DUSP16: variants seen among roughly 807,000 people sequenced by gnomAD.
DUSP16 encodes dual specificity protein phosphatase 16.
DUSP16 carries 21 observed loss-of-function variants against 58.3 expected under a neutral mutation model. The ratio of observed to expected loss-of-function variants is 0.36; its 90% CI spans 0.26 to 0.52. The LOEUF (loss-of-function observed/expected upper bound fraction) is 0.52, where lower values mean the gene tolerates loss of function less well. Ranked by LOEUF, DUSP16 falls within the 20% of genes least tolerant of loss-of-function variation. The probability of loss-of-function intolerance (pLI) is 0.94; values close to 1 mark genes in which losing one functional copy is unlikely to be tolerated. For missense variants in DUSP16, 726 were observed against 819.0 expected (o/e 0.89, Z 1.39); for synonymous variants, 320 against 323.8 (o/e 0.99, Z 0.12).
rs1417571516 is a variant in DUSP16 at position 12,475,155 on chromosome 12, G to A, written c.*1678C>T. The A allele has an allele frequency of 6.6e-6, 1 of 152,110 alleles. No homozygotes were observed. Among genetic ancestry groups the A allele is most frequent in the Non-Finnish European group, 1.5e-5 (1 of 68,054 alleles). The allele number at this position is 152,110 out of a possible 1,614,324, so 9.4% of individuals were successfully genotyped here. On this transcript the variant is annotated 3_prime_UTR_variant, in exon 7 of 7. Transcript: ENST00000298573. ...AAAAACTGTCCATTTCTCAAAAACAGAGAAAAACCTGAGATACGAGGCAGC... is the reference window on the plus strand; with the variant it reads ...AAAAACTGTCCATTTCTCAAAAACAAAGAAAAACCTGAGATACGAGGCAGC...
intron 1 of DUSP16, among the ~76,000 whole-genome samples, chr12:12,544,139 A>G (rs1278893924): frequency 6.6e-6 from 1 of 152,160 alleles, no homozygotes; most frequent in South Asian, 2.1e-4. Flanking sequence ...AGTTGGCTTC[A>G]TATGTCTTCC....
intron 1 of DUSP16, among the ~76,000 whole-genome samples, chr12:12,527,245 A>G (rs1006163252): frequency 1.3e-5 from 2 of 152,234 alleles, no homozygotes; most frequent in Non-Finnish European, 2.9e-5. Context: ...ATGCCTTTCA[A>G]TAGAGCCCTA....
intron 1 of DUSP16, among the ~76,000 whole-genome samples, chr12:12,557,292 A>G (rs1254637968): frequency 6.6e-6 from 1 of 151,890 alleles, no homozygotes; most frequent in East Asian, 1.9e-4. Flanking sequence ...CGTCTCTACT[A>G]AAATACAAAA....
chr12:12,532,692 TATCCTAGC>T (rs1182878766), intron 1 of DUSP16, among the ~76,000 whole-genome samples: 2 of 152,042 alleles, frequency 1.3e-5, no homozygotes, highest in Non-Finnish European at 2.9e-5. Flanking sequence ...TCATGCCTGT[TATCCTAGC>T]ACTTTGGGAG....
intron 4 of DUSP16, among the ~76,000 whole-genome samples, chr12:12,492,101 C>T (rs761746542): frequency 1.3e-5 from 2 of 152,228 alleles, no homozygotes; most frequent in South Asian, 2.1e-4. Flanking sequence ...CTAGTCAGCA[C>T]TGCCCATGCC....
intron 3 of DUSP16, among the ~76,000 whole-genome samples, chr12:12,512,389 T>C (rs1194283052): frequency 1.3e-5 from 2 of 152,178 alleles, no homozygotes; most frequent in Non-Finnish European, 2.9e-5. Flanking sequence ...GGTACGTTTA[T>C]TGTCAACCGT....
chr12:12,485,010 ATT>A (rs371113333), intron 5 of DUSP16, among the ~76,000 whole-genome samples: 199 of 124,994 alleles, frequency 1.6e-3, no homozygotes, highest in Middle Eastern at 4.9e-3. Context: ...TTTGTTTGTG[ATT>A]TTTTTTTTTT....
Position 12,477,737 on chromosome 12 carries a change from C to T in DUSP16, c.1094G>A (p.Ser365Asn). The change falls in exon 7 of 7, where the codon AGC becomes AAC. Residue 365 changes from serine (S) to asparagine (N), a missense_variant. Physicochemically the swap from Ser to Asn is conservative, Grantham distance 46. Coordinates refer to ENST00000298573, the MANE Select transcript of DUSP16 (RefSeq NM_030640.3). This position sits in a 1 kb window ranked among gnomAD's most constrained non-coding sequence, Gnocchi z 4.1. ...GTCCTCTAACAGCGACGGCTGCACG[C>T]TGGGCACGCTGGGCACGCTGGCGGG... ...VHPASVPSVPSVQPSLLEDSP... is the reference protein window; with the variant it reads ...VHPASVPSVPNVQPSLLEDSP... 7.0e-7 allele frequency: 1 copy of T among 1,428,912 alleles called. No individual in the cohort carries two copies. Among genetic ancestry groups the T allele is most frequent in the African/African-American group, 2.1e-5 (1 of 48,402 alleles). The allele number at this position is 1,428,912 out of a possible 1,614,324, so 88.5% of individuals were successfully genotyped here.
intron 3 of DUSP16, among the ~76,000 whole-genome samples, chr12:12,510,657 G>A (rs1266983157): frequency 6.6e-6 from 1 of 152,208 alleles, no homozygotes; most frequent in Non-Finnish European, 1.5e-5. Context: ...AAGACAGAGA[G>A]CCTTCTCTGG....
rs556746921 is a variant in DUSP16 at position 12,557,455 on chromosome 12, CA to C, written c.-366+4661del. On this transcript the variant is annotated intron_variant, in intron 1 of 6. Coordinates refer to ENST00000298573, the MANE Select transcript of DUSP16 (RefSeq NM_030640.3). ...CTGGCGACAGAGCAAGACTCCGTCT[CA>C]AAAAAAAAAAAAAAAAAATCTAAGT... Among the ~76,000 whole-genome samples the C allele has an allele frequency of 9.8e-3, 562 of 57,416 alleles. 2 individuals carry two copies. Among genetic ancestry groups the C allele is most frequent in the African/African-American group, 0.025 (397 of 15,664 alleles). 37.7% of individuals were successfully genotyped at this position (57,416 alleles called of 152,430 possible).
chr12:12,532,965 A>G (rs1944413548), intron 1 of DUSP16, among the ~76,000 whole-genome samples: 1 of 149,048 alleles, frequency 6.7e-6, no homozygotes, highest in South Asian at 2.1e-4. Flanking sequence ...AAAAAAAAAC[A>G]AAGAAGATGA....
intron 3 of DUSP16, among the ~76,000 whole-genome samples, chr12:12,512,319 GCT>G (rs1232267929): frequency 1.3e-5 from 2 of 150,864 alleles, no homozygotes; most frequent in African/African-American, 4.8e-5. Flanking sequence ...ACATAGCCAT[GCT>G]CTTTTTGTTG....
chr12:12,545,090 A>G (rs1482110236), intron 1 of DUSP16, among the ~76,000 whole-genome samples: 1 of 152,198 alleles, frequency 6.6e-6, no homozygotes, highest in Non-Finnish European at 1.5e-5. Flanking sequence ...GAATTTTAGA[A>G]TCAACTTATA....
At chr12:12,541,888 A>C (rs1944564962) in intron 1 of DUSP16, among the ~76,000 whole-genome samples, 1 of 151,628 alleles carries the variant, frequency 6.6e-6, no homozygotes, top group Non-Finnish European at 1.5e-5. Flanking sequence ...GCAGATTTAT[A>C]AACAGCCAAA....
chr12:12,549,774 A>AT (rs1555169788), intron 1 of DUSP16, among the ~76,000 whole-genome samples: 1 of 127,894 alleles, frequency 7.8e-6, no homozygotes, highest in Non-Finnish European at 1.8e-5. Flanking sequence ...GTGCTTTTTT[A>AT]TTAAAAAAAA....
Position 12,521,469 on chromosome 12 carries a change from C to A in DUSP16, c.-365-6G>T. 5 of 1,053,072 alleles carry A rather than the reference C, an allele frequency of 4.7e-6. No homozygotes were observed. The highest frequency in any genetic ancestry group is 3.5e-5 in the South Asian group (1 of 28,350). The allele number at this position is 1,053,072 out of a possible 1,614,324, so 65.2% of individuals were successfully genotyped here. ...CTTTACACTGGACTGAAAGCCTACG[C>A]GGAGAGAGAAAGACAGAAAACAAAA... is the stretch of plus-strand genomic sequence containing the variant. On this transcript the variant is annotated splice_region_variant and splice_polypyrimidine_tract_variant and intron_variant, in intron 1 of 6. Transcript: ENST00000298573.
chr12:12,480,222 C>A lies in DUSP16; in HGVS notation c.815+1G>T, dbSNP rs765864926. On this transcript the variant is annotated splice_donor_variant, in intron 6 of 6. Transcript: ENST00000298573. LOFTEE classifies it high-confidence loss of function. ...CACAGAAGACATTTTCCTGCCCTCA[C>A]CTGTAAGCTTCATCTAAAGACATGT... The A allele has an allele frequency of 1.9e-6, 3 of 1,613,872 alleles. No individual in the cohort carries two copies. Among genetic ancestry groups the A allele is most frequent in the South Asian group, 2.2e-5 (2 of 90,972 alleles).
chr12:12,479,676 G>A (rs1446164282), intron 6 of DUSP16, among the ~76,000 whole-genome samples: 1 of 152,092 alleles, frequency 6.6e-6, no homozygotes, highest in Non-Finnish European at 1.5e-5. Flanking sequence ...TACATGCAGG[G>A]GAGTCAGACA....
At chr12:12,551,811 G>C (rs902639864) in intron 1 of DUSP16, among the ~76,000 whole-genome samples, 5 of 151,332 alleles carry the variant, frequency 3.3e-5, no homozygotes, top group African/African-American at 1.2e-4. Flanking sequence ...TCCTGTCTCA[G>C]CCTCCCGAGT....
Sources: gnomAD v4.1 joint callset for allele counts (sites outside exome capture counted in the v4.1 genomes callset) on GRCh38, gnomAD v4.1.1 for gene constraint, Gnocchi (gnomAD v3.1) non-coding constraint, MANE v1.5 for transcripts, NCBI Gene and HGNC (gene_info 2026-07-23, HGNC 2026-07-21) for gene names.